The following WDR33 variants were observed in gnomAD, a reference collection of about 807,000 sequenced individuals.
WDR33 encodes the protein WD repeat domain 33, also known as pre-mRNA 3' end processing protein WDR33.
WDR33 carries 47 observed loss-of-function variants against 164.9 expected under a neutral mutation model. The ratio of observed to expected loss-of-function variants is 0.29; its 90% confidence interval spans 0.23 to 0.36. The LOEUF (loss-of-function observed/expected upper bound fraction) is 0.36, where lower values mean the gene tolerates loss of function less well. Ranked by LOEUF, WDR33 falls within the 10% of genes least tolerant of loss-of-function variation. WDR33 has a pLI of 1.00. For missense variants in WDR33, 1,137 were observed against 1,754.1 expected (o/e 0.65, Z 6.28); for synonymous variants, 505 against 589.0 (o/e 0.86, Z 2.06).
In WDR33 at chr2:127,720,764, T is replaced by C. The variant is rs1479264789; in HGVS notation, c.1672-411A>G. Among the ~76,000 whole-genome samples, 2 of 152,164 alleles carry C rather than the reference T, an allele frequency of 1.3e-5. No individual in the cohort carries two copies. Among genetic ancestry groups the C allele is most frequent in the Non-Finnish European group, 2.9e-5 (2 of 68,030 alleles). On this transcript the variant is annotated intron_variant, in intron 15 of 21. Coordinates refer to ENST00000322313, the MANE Select transcript of WDR33 (RefSeq NM_018383.5). This position sits in a 1 kb window ranked among gnomAD's most constrained non-coding sequence, Gnocchi z 5.9. ...TTGTAGAGACAGGGTCTTGCTATAT[T>C]GCCCAGGCTGATCTCAAACTCCTGG...
chr2:127,751,994 C>T (rs1482362516), intron 7 of WDR33, among the ~76,000 whole-genome samples: 3 of 152,128 alleles, frequency 2.0e-5, no homozygotes, highest in Non-Finnish European at 4.4e-5. Flanking sequence ...ACAAGTTTCA[C>T]GGGGTGGACG....
Position 127,701,473 on chromosome 2 carries a change from A to G in WDR33, c.*4850T>C. Reference sequence around the variant, plus strand: ...TGCCGCCCGAAGACCGAACCGCTTCAGCGGAGGGCCGGAAGTGAGCCGCAG... The same window carrying G: ...TGCCGCCCGAAGACCGAACCGCTTCGGCGGAGGGCCGGAAGTGAGCCGCAG... On this transcript the variant is annotated 3_prime_UTR_variant, in exon 22 of 22. Coordinates refer to ENST00000322313, the MANE Select transcript of WDR33 (RefSeq NM_018383.5). 1.6e-6 allele frequency: 2 copies of G among 1,245,460 alleles called. No homozygotes were observed. The highest frequency in any genetic ancestry group is 3.2e-5 in the South Asian group (1 of 30,906). 77.2% of individuals were successfully genotyped at this position (1,245,460 alleles called of 1,614,324 possible). A position where few individuals can be genotyped will look rare whatever the true frequency, so the allele number is the denominator to read the frequency against.
rs537732349 is a variant in WDR33 at position 127,730,964 on chromosome 2, G to A, written c.725-4187C>T. On this transcript the variant is annotated intron_variant, in intron 7 of 21. Coordinates refer to ENST00000322313, the MANE Select transcript of WDR33 (RefSeq NM_018383.5). ...AAGGAAAAAAAAAACACCACTGAAT[G>A]CAAGTTACTTTGCTAAGTAGTATTT... Among the ~76,000 whole-genome samples, 235 of 151,858 alleles carry A rather than the reference G, an allele frequency of 1.5e-3. 1 individual carries two copies. The highest frequency in any genetic ancestry group is 5.5e-3 in the African/African-American group (229 of 41,446).
At chr2:127,747,380 C>T (rs1687196432) in intron 7 of WDR33, among the ~76,000 whole-genome samples, 1 of 151,202 alleles carries the variant, frequency 6.6e-6, no homozygotes, top group Non-Finnish European at 1.5e-5. Context: ...ATTCTGAAAA[C>T]ATTTTATCCT....
chr2:127,764,074 G>A lies in WDR33; in HGVS notation c.626+754C>T. The A allele has an allele frequency of 3.0e-6, 3 of 987,784 alleles. No individual in the cohort carries two copies. The highest frequency in any genetic ancestry group is 3.6e-6 in the Non-Finnish European group (3 of 831,754). 61.2% of individuals were successfully genotyped at this position (987,784 alleles called of 1,614,324 possible). On this transcript the variant is annotated intron_variant, in intron 6 of 21. Coordinates refer to ENST00000322313, the MANE Select transcript of WDR33 (RefSeq NM_018383.5). The surrounding 1 kb of genome is among the most constrained non-coding windows in gnomAD (Gnocchi z 6.2). ...AAAGAATGCTGCTTAGCTTTATTCT[G>A]AGGCTGCAGCAATTCTTCAGGCTTG...
chr2:127,712,413 A>G lies in WDR33; in HGVS notation c.3308+1170T>C. Among the ~76,000 whole-genome samples the G allele has an allele frequency of 6.6e-6, 1 of 152,076 alleles. No individual in the cohort carries two copies. The highest frequency in any genetic ancestry group is 1.9e-4 in the East Asian group (1 of 5,158). On this transcript the variant is annotated intron_variant, in intron 18 of 21. Coordinates refer to ENST00000322313, the MANE Select transcript of WDR33 (RefSeq NM_018383.5). The surrounding 1 kb of genome is among the most constrained non-coding windows in gnomAD (Gnocchi z 4.0). ...CCGTCTCAAGAAGAAAAAAAAAAAA[A>G]AAGAAATGGGATGAAAGGACACGGA...
intron 2 of WDR33, among the ~76,000 whole-genome samples, chr2:127,769,230 G>A (rs1296922084): frequency 1.3e-5 from 2 of 152,068 alleles, no homozygotes; most frequent in African/African-American, 4.8e-5. Context: ...CCTCATGCCT[G>A]TAATCCTAGC....
intron 1 of WDR33, among the ~76,000 whole-genome samples, chr2:127,799,935 A>T (rs1486286409): frequency 6.6e-6 from 1 of 152,316 alleles, no homozygotes; most frequent in East Asian, 1.9e-4. Context: ...ATAACACTTC[A>T]CATCCACTGG....
chr2:127,708,575 C>T lies in WDR33; in HGVS notation c.3781+102G>A. ...CTGGCACCACATTTAGGAGCATGTG[C>T]CTCTGCACAGCCCAGGCTGCAAGGG... On this transcript the variant is annotated intron_variant, in intron 21 of 21. Coordinates refer to ENST00000322313, the MANE Select transcript of WDR33 (RefSeq NM_018383.5). The surrounding 1 kb of genome is among the most constrained non-coding windows in gnomAD (Gnocchi z 6.7). 1 of 1,320,448 alleles carries T rather than the reference C, an allele frequency of 7.6e-7. No individual in the cohort carries two copies. Among genetic ancestry groups the T allele is most frequent in the Non-Finnish European group, 1.0e-6 (1 of 964,834 alleles). The allele number at this position is 1,320,448 out of a possible 1,614,324, so 81.8% of individuals were successfully genotyped here.
intron 7 of WDR33, among the ~76,000 whole-genome samples, chr2:127,748,242 CCT>C (rs1462395037): frequency 6.6e-6 from 1 of 152,158 alleles, no homozygotes; most frequent in African/African-American, 2.4e-5. Context: ...ATTATAACAC[CCT>C]GTTACTAGGA....
chr2:127,759,549 G>C (rs1687617549), intron 7 of WDR33, among the ~76,000 whole-genome samples: 1 of 151,614 alleles, frequency 6.6e-6, no homozygotes, highest in African/African-American at 2.4e-5. Context: ...AAATTAGCCG[G>C]GCATGGTGAC....
Position 127,724,999 on chromosome 2 carries a change from A to G in WDR33, c.1007-34T>C, listed in dbSNP as rs768248192. On this transcript the variant is annotated intron_variant, in intron 9 of 21. Transcript: ENST00000322313. This position sits in a 1 kb window ranked among gnomAD's most constrained non-coding sequence, Gnocchi z 4.8. ...CAAAAACATGGGAAAAGACACAATT[A>G]TCAGGATCTGAGAATGTTACAGGTA... 5 of 1,614,002 alleles carry G rather than the reference A, an allele frequency of 3.1e-6. No individual in the cohort carries two copies. The East Asian group carries it at 6.7e-5, about 22-fold the overall frequency.
At position 127,724,231 on chromosome 2, in the gene WDR33, G is replaced by T; in HGVS notation, c.1196+102C>A. ...CAAAAATATTCCCAAGAATAAGTTG[G>T]AATATAAATTACTATATCAATCAAC... On this transcript the variant is annotated intron_variant, in intron 11 of 21. Transcript: ENST00000322313. This position sits in a 1 kb window ranked among gnomAD's most constrained non-coding sequence, Gnocchi z 4.8. The T allele has an allele frequency of 1.2e-6, 1 of 817,334 alleles. No homozygotes were observed. The highest frequency in any genetic ancestry group is 1.9e-6 in the Non-Finnish European group (1 of 533,662). 50.6% of individuals were successfully genotyped at this position (817,334 alleles called of 1,614,324 possible).
At chr2:127,739,604 C>G (rs1444363733) in intron 7 of WDR33, among the ~76,000 whole-genome samples, 3 of 152,176 alleles carry the variant, frequency 2.0e-5, no homozygotes, top group African/African-American at 7.2e-5. Context: ...TTTACATGTA[C>G]AAAATGGAGA....
chr2:127,743,613 G>C (rs1481997349), intron 7 of WDR33, among the ~76,000 whole-genome samples: 1 of 152,188 alleles, frequency 6.6e-6, no homozygotes, highest in Non-Finnish European at 1.5e-5. Context: ...TGACAATTCA[G>C]AAGTAAAGGA....
intron 1 of WDR33, among the ~76,000 whole-genome samples, chr2:127,786,474 G>A (rs1688576677): frequency 1.3e-5 from 2 of 152,180 alleles, no homozygotes; most frequent in Non-Finnish European, 2.9e-5. Context: ...CTTGAGGCCA[G>A]GAGTTCAAGA....
In WDR33 at chr2:127,719,187, T is replaced by C; in HGVS notation, c.2760+78A>G. The C allele has an allele frequency of 7.6e-7, 1 of 1,321,354 alleles. No homozygotes were observed. The highest frequency in any genetic ancestry group is 2.9e-5 in the South Asian group (1 of 34,658). 81.9% of individuals were successfully genotyped at this position (1,321,354 alleles called of 1,614,324 possible). On this transcript the variant is annotated intron_variant, in intron 16 of 21. Transcript: ENST00000322313. This position sits in a 1 kb window ranked among gnomAD's most constrained non-coding sequence, Gnocchi z 6.5. ...GTATTTATATCCAGCTGTGACCATT[T>C]TCCACAATACTCAGCAGTATTACTT...
At chr2:127,762,172 G>A (rs749040844) in intron 7 of WDR33, among the ~76,000 whole-genome samples, 1 of 152,154 alleles carries the variant, frequency 6.6e-6, no homozygotes, top group Non-Finnish European at 1.5e-5. Context: ...ATGTGTCAGA[G>A]AAAGATGGTA....
chr2:127,764,564 A>G lies in WDR33; in HGVS notation c.626+264T>C. 6.5e-7 allele frequency: 1 copy of G among 1,550,022 alleles called. No individual in the cohort carries two copies. The highest frequency in any genetic ancestry group is 1.2e-5 in the South Asian group (1 of 83,362). The stretch of plus-strand genomic sequence containing the variant: ...TAACGTATACACATTATTAATCATA[A>G]ATGAAAAGAGAAAACCAGTGCAAAA... On this transcript the variant is annotated intron_variant, in intron 6 of 21. Transcript: ENST00000322313. The surrounding 1 kb of genome is among the most constrained non-coding windows in gnomAD (Gnocchi z 6.2).
Sources: gnomAD v4.1 joint callset for allele counts (sites outside exome capture counted in the v4.1 genomes callset) on GRCh38, gnomAD v4.1.1 for gene constraint, Gnocchi (gnomAD v3.1) non-coding constraint, MANE v1.5 for transcripts, NCBI Gene and HGNC (gene_info 2026-07-23, HGNC 2026-07-21) for gene names.